Variants in C10orf90 observed in about 807,000 individuals in gnomAD.
C10orf90 encodes (E2-independent) E3 ubiquitin-conjugating enzyme FATS.
A neutral mutation model predicts 62.5 loss-of-function variants in C10orf90; 56 were observed. The observed-to-expected ratio is 0.90, with a 90% CI of 0.72 to 1.12. C10orf90 has a LOEUF of 1.12. Ranked by LOEUF, C10orf90 falls within the 50% of genes most tolerant of loss-of-function variation. The probability of loss-of-function intolerance (pLI) is 0.00; values close to 1 mark genes in which losing one functional copy is unlikely to be tolerated. For missense variants in C10orf90, 970 were observed against 880.4 expected, an observed-to-expected ratio of 1.10 and a Z score of -1.29; for synonymous variants, 386 against 340.4, an observed-to-expected ratio of 1.13 and a Z score of -1.47.
At chr10:126,511,722 A>C (rs1863118261) in intron 3 of C10orf90, among the ~76,000 whole-genome samples, 1 of 152,192 alleles carries the variant, frequency 6.6e-6, no homozygotes, top group African/African-American at 2.4e-5. Flanking sequence ...AGAGAGCTAC[A>C]AAAGTTAATA....
At chr10:126,476,470 G>A (rs1860874360) in intron 4 of C10orf90, among the ~76,000 whole-genome samples, 1 of 152,176 alleles carries the variant, frequency 6.6e-6, no homozygotes, top group African/African-American at 2.4e-5. Flanking sequence ...AAAGGAGCCC[G>A]CGTCAGTGCA....
intron 2 of C10orf90, among the ~76,000 whole-genome samples, chr10:126,645,988 C>T (rs2133851056): frequency 6.6e-6 from 1 of 152,178 alleles, no homozygotes; most frequent in African/African-American, 2.4e-5. Flanking sequence ...TCGATTAACC[C>T]AGTAGTCTTA....
At chr10:126,657,717 A>G (rs1284560070) in intron 1 of C10orf90, among the ~76,000 whole-genome samples, 1 of 151,700 alleles carries the variant, frequency 6.6e-6, no homozygotes, top group Non-Finnish European at 1.5e-5. Flanking sequence ...CTGGGTTCAA[A>G]TGATTCTCCT....
At chr10:126,503,802 C>G (rs951154191) in intron 4 of C10orf90, among the ~76,000 whole-genome samples, 155 bp downstream of exon 4, 1 of 152,072 alleles carries the variant, frequency 6.6e-6, no homozygotes. Context: ...ACATCGATGC[C>G]GAGCTATCAG....
In C10orf90 at chr10:126,504,352, G is replaced by A; in HGVS notation, c.1139C>T (p.Pro380Leu). The change falls in exon 4 of 10, where the codon CCC (proline) becomes CTC (leucine). Residue 380 changes from proline (P) to leucine (L), a missense_variant. Transcript: ENST00000488181. The surrounding 1 kb of genome is among the most constrained non-coding windows in gnomAD (Gnocchi z 4.1). ...CGACAGGACGGATCTGTGCATTTTG[G>A]GGCTGGCAATTTGAGGTGGCTCAAT... ...VPIEPPQIAS[P>L]KMHRSVLSLN... is the part of the protein sequence containing the mutation. The A allele has an allele frequency of 6.2e-7, 1 of 1,614,150 alleles. No homozygotes were observed. Among genetic ancestry groups the A allele is most frequent in the Non-Finnish European group, 8.5e-7 (1 of 1,180,048 alleles).
At chr10:126,445,585 C>A (rs368667810) in intron 7 of C10orf90, among the ~76,000 whole-genome samples, 1 of 152,034 alleles carries the variant, frequency 6.6e-6, no homozygotes, top group African/African-American at 2.4e-5. Flanking sequence ...ACCAGTACAG[C>A]CCCTATGAAA....
intron 4 of C10orf90, among the ~76,000 whole-genome samples, chr10:126,483,536 C>T (rs777675448): frequency 1.1e-4 from 16 of 152,154 alleles, no homozygotes; most frequent in Non-Finnish European, 1.8e-4. Flanking sequence ...TTGAAATGAT[C>T]GGTGATATTT....
intron 2 of C10orf90, among the ~76,000 whole-genome samples, chr10:126,640,573 G>A (rs889767508): frequency 9.9e-5 from 15 of 152,256 alleles, no homozygotes; most frequent in African/African-American, 3.1e-4. Context: ...GCAAGGTCAC[G>A]TGAAAGGATT....
At chr10:126,571,540 A>C (rs1844506233) in intron 2 of C10orf90, among the ~76,000 whole-genome samples, 1 of 152,254 alleles carries the variant, frequency 6.6e-6, no homozygotes, top group Non-Finnish European at 1.5e-5. Context: ...GAGGCGGCAC[A>C]TGAATAATGA....
At chr10:126,548,150 A>G (rs1351201061) in intron 2 of C10orf90, among the ~76,000 whole-genome samples, 1 of 152,234 alleles carries the variant, frequency 6.6e-6, no homozygotes, top group East Asian at 1.9e-4. Flanking sequence ...CATAATTCCT[A>G]TCAAAATCTC....
intron 2 of C10orf90, among the ~76,000 whole-genome samples, chr10:126,516,141 G>A (rs113874158): frequency 6.6e-6 from 1 of 152,198 alleles, no homozygotes; most frequent in Non-Finnish European, 1.5e-5. Context: ...GCCCCAGGCC[G>A]ACCTACAGTG....
At chr10:126,488,275 T>C (rs1861543572) in intron 4 of C10orf90, among the ~76,000 whole-genome samples, 1 of 152,028 alleles carries the variant, frequency 6.6e-6, no homozygotes, top group Non-Finnish European at 1.5e-5. Flanking sequence ...TTAAAGTTCA[T>C]GATGAAGACA....
intron 2 of C10orf90, among the ~76,000 whole-genome samples, chr10:126,550,017 G>A (rs1056215642): frequency 3.3e-5 from 5 of 149,814 alleles, no homozygotes; most frequent in South Asian, 2.1e-4. Flanking sequence ...GTGCAGTGGC[G>A]CAATCTCAGC....
chr10:126,642,792 G>A (rs920330628), intron 2 of C10orf90, among the ~76,000 whole-genome samples: 1 of 152,128 alleles, frequency 6.6e-6, no homozygotes, highest in African/African-American at 2.4e-5. Context: ...AGCATCTGGA[G>A]CAGATGAGGT....
intron 7 of C10orf90, among the ~76,000 whole-genome samples, chr10:126,454,146 T>C (rs4562714): frequency 0.72 from 109,542 of 151,958 alleles, 40,121 homozygotes; most frequent in East Asian, 0.92. Flanking sequence ...AGATGTGGCA[T>C]CCCCTATGAC....
At chr10:126,427,813 C>A (rs1460158584) in intron 8 of C10orf90, among the ~76,000 whole-genome samples, 2 of 152,196 alleles carry the variant, frequency 1.3e-5, no homozygotes, top group Non-Finnish European at 2.9e-5. Flanking sequence ...TGGCTTCTCT[C>A]TTCCCCAGCT....
intron 1 of C10orf90, among the ~76,000 whole-genome samples, chr10:126,661,072 C>T (rs534387676): frequency 1.2e-3 from 184 of 152,274 alleles, no homozygotes; most frequent in Non-Finnish European, 1.9e-3. Flanking sequence ...TCACTCCTCC[C>T]CCACATTCTT....
chr10:126,669,618 T>C (rs1846704977), intron 1 of C10orf90, among the ~76,000 whole-genome samples: 1 of 152,174 alleles, frequency 6.6e-6, no homozygotes, highest in Non-Finnish European at 1.5e-5. Context: ...TGGCTGATAC[T>C]AGTTGCAGAA....
At chr10:126,654,941 G>C (rs1467091532) in intron 1 of C10orf90, among the ~76,000 whole-genome samples, 1 of 152,158 alleles carries the variant, frequency 6.6e-6, no homozygotes, top group East Asian at 1.9e-4. Context: ...AGAGAGGTGA[G>C]AGAACAACTG....
Sources: allele counts gnomAD v4.1 joint callset (sites outside exome capture counted in the v4.1 genomes callset), GRCh38; gene constraint gnomAD v4.1.1; non-coding constraint Gnocchi (gnomAD v3.1); transcripts MANE v1.5; gene names NCBI Gene and HGNC (gene_info 2026-07-23, HGNC 2026-07-21).